The following MECR variants were observed in gnomAD, a reference collection of about 807,000 sequenced individuals.
MECR encodes the protein enoyl-[acyl-carrier-protein] reductase, mitochondrial.
Under a neutral mutation model 49.1 loss-of-function variants are expected in MECR, and 37 were observed. The observed-to-expected ratio is 0.75, with a 90% CI of 0.58 to 0.99. The LOEUF (loss-of-function observed/expected upper bound fraction) is 0.99. Ranked by LOEUF, MECR falls within the 50% of genes least tolerant of loss-of-function variation. The pLI is 0.00. For missense variants in MECR, 470 were observed against 479.6 expected, an observed-to-expected ratio of 0.98 and a Z score of 0.19; for synonymous variants, 198 against 191.1, an observed-to-expected ratio of 1.04 and a Z score of -0.30.
At chr1:29,230,433 T>C in intron 1 of MECR, 1 of 379,024 alleles carries the variant, frequency 2.6e-6, no homozygotes. Flanking sequence ...AATCAATAAC[T>C]ACCCCAAAAC....
chr1:29,215,236 C>A (rs956903106), intron 3 of MECR, among the ~76,000 whole-genome samples: 3 of 152,120 alleles, frequency 2.0e-5, no homozygotes, highest in Non-Finnish European at 4.4e-5. Context: ...TGTGTCTTTC[C>A]TCATTTTACA....
intron 1 of MECR, among the ~76,000 whole-genome samples, chr1:29,227,653 A>G (rs1682436405): frequency 6.6e-6 from 1 of 151,922 alleles, no homozygotes; most frequent in Admixed American, 6.6e-5. Context: ...AGCATCACAA[A>G]CCACACTAGT....
In MECR at chr1:29,194,521, C is replaced by T. The variant is rs899276203; in HGVS notation, c.965-342G>A. ...CTGAATGGTGGGAGGAAAAGGATGG[C>T]GGAGGCAGGGAGGCCAGAGGAGGCC... On this transcript the variant is annotated intron_variant, in intron 9 of 9. Coordinates refer to ENST00000263702, the MANE Select transcript of MECR (RefSeq NM_016011.5). Among the ~76,000 whole-genome samples, 3 of 152,204 alleles carry T rather than the reference C, an allele frequency of 2.0e-5. No homozygotes were observed. In the South Asian group the frequency reaches 6.2e-4, roughly 32 times the overall value.
rs186169643 is a variant in MECR at position 29,216,810 on chromosome 1, G to C, written c.177-125C>G. ...CTGCCATGTGTGCCCAGGAATTACG[G>C]TTCTGTTATAAAAGAGAGGTACCAT... On this transcript the variant is annotated intron_variant, in intron 1 of 9. Transcript: ENST00000263702. 249 of 1,542,490 alleles carry C rather than the reference G, an allele frequency of 1.6e-4. No individual in the cohort carries two copies. In the African/African-American group the frequency reaches 2.9e-3, roughly 18 times the overall value.
chr1:29,179,533 A>C, the MECR span, among the ~76,000 whole-genome samples: 1 of 152,080 alleles, frequency 6.6e-6, no homozygotes, highest in Admixed American at 6.6e-5. Context: ...CTAATTAAAA[A>C]AATTTTTTTC....
At chr1:29,220,759 G>C (rs931314145) in intron 1 of MECR, 3 of 332,566 alleles carry the variant, frequency 9.0e-6, no homozygotes, top group Non-Finnish European at 1.3e-5. Flanking sequence ...ATATTCCTCC[G>C]TAAAATGGGA....
chr1:29,207,763 C>A (rs1265848370), intron 3 of MECR, among the ~76,000 whole-genome samples: 2 of 151,914 alleles, frequency 1.3e-5, no homozygotes, highest in African/African-American at 4.8e-5. Context: ...AAACAAAAAA[C>A]AAACCAAAAC....
intron 1 of MECR, among the ~76,000 whole-genome samples, chr1:29,226,020 T>G (rs1681950158): frequency 6.6e-6 from 1 of 151,852 alleles, no homozygotes; most frequent in African/African-American, 2.4e-5. Flanking sequence ...AATACAAAAA[T>G]TAGCTGGGTG....
chr1:29,202,671 T>C (rs1675596236), intron 5 of MECR, among the ~76,000 whole-genome samples: 1 of 152,176 alleles, frequency 6.6e-6, no homozygotes, highest in Admixed American at 6.5e-5. Context: ...TCCTCATCTG[T>C]AAAAGACAGA....
At chr1:29,214,018 A>G (rs1456272911) in intron 3 of MECR, among the ~76,000 whole-genome samples, 2 of 151,686 alleles carry the variant, frequency 1.3e-5, no homozygotes, top group African/African-American at 4.8e-5. Flanking sequence ...CTGAACCCGA[A>G]GCTTTCACTC....
rs553280545 is a variant in MECR, at chr1:29,223,271, A to T, written c.177-6586T>A. 4.1e-6 allele frequency: 4 copies of T among 985,420 alleles called. No homozygotes were observed. In the East Asian group the frequency reaches 4.5e-4, roughly 112 times the overall value. 61.0% of individuals were successfully genotyped at this position (985,420 alleles called of 1,614,324 possible). ...GCCAAGGCTGTACACCTGTGATGCC[A>T]TATGAAGTACAAGGGAGACAAAAGC... On this transcript the variant is annotated intron_variant, in intron 1 of 9. Transcript: ENST00000263702.
downstream of MECR, among the ~76,000 whole-genome samples, chr1:29,189,029 T>A (rs144493425): frequency 6.8e-4 from 104 of 152,026 alleles, 1 homozygote; most frequent in African/African-American, 2.4e-3. Flanking sequence ...AACCTCTACC[T>A]CCTGAGTTCA....
At chr1:29,215,873 A>G (rs1679265299) in intron 3 of MECR, 132 bp downstream of exon 3, 1 of 1,030,988 alleles carries the variant, frequency 9.7e-7, no homozygotes, top group Admixed American at 3.1e-5. Flanking sequence ...CTCCGTCTCA[A>G]AATAAATAAA....
At chr1:29,211,976 G>A (rs532403055) in intron 3 of MECR, among the ~76,000 whole-genome samples, 3 of 152,330 alleles carry the variant, frequency 2.0e-5, no homozygotes, top group East Asian at 1.9e-4. Context: ...CAGTCTTCAC[G>A]AGAAGAAAGA....
intron 1 of MECR, among the ~76,000 whole-genome samples, chr1:29,225,632 T>A (rs1159503002): frequency 6.6e-6 from 1 of 152,104 alleles, no homozygotes; most frequent in Non-Finnish European, 1.5e-5. Context: ...ACTTACTATA[T>A]CAATGCCTTC....
At chr1:29,212,003 C>A (rs1678134857) in intron 3 of MECR, among the ~76,000 whole-genome samples, 1 of 152,236 alleles carries the variant, frequency 6.6e-6, no homozygotes, top group South Asian at 2.1e-4. Context: ...CTGTTCACTG[C>A]TGTGTCCTCA....
In MECR at chr1:29,195,929, C is replaced by T. The variant is rs1175774147; in HGVS notation, c.964+12G>A. 3.7e-6 allele frequency: 6 copies of T among 1,614,042 alleles called. No individual in the cohort carries two copies. Among genetic ancestry groups the T allele is most frequent in the Non-Finnish European group, 5.1e-6 (6 of 1,179,876 alleles). On this transcript the variant is annotated intron_variant, in intron 9 of 9. Transcript: ENST00000263702. ...CTCATCTGTGACTCTTGGCACTGGG[C>T]CATGCACTCACCTGGACTGTGATCC...
At chr1:29,209,995 G>A (rs1274856115) in intron 3 of MECR, among the ~76,000 whole-genome samples, 5 of 150,634 alleles carry the variant, frequency 3.3e-5, no homozygotes, top group Non-Finnish European at 7.4e-5. Context: ...AAGAACTGGG[G>A]ACAGGAGGCA....
chr1:29,181,527 G>A, the MECR span: 3 of 858,256 alleles, frequency 3.5e-6, no homozygotes, highest in Non-Finnish European at 1.7e-6. Context: ...CTATGGCGGA[G>A]CCTGGCCAGG....
Sources: gnomAD v4.1 joint callset for allele counts (sites outside exome capture counted in the v4.1 genomes callset) on GRCh38, gnomAD v4.1.1 for gene constraint, MANE v1.5 for transcripts, NCBI Gene and HGNC (gene_info 2026-07-23, HGNC 2026-07-21) for gene names.